Variants in SMAD3 observed in about 807,000 individuals in gnomAD.
SMAD3 encodes SMAD family member 3.
A neutral mutation model predicts 51.8 loss-of-function variants in SMAD3; 12 were observed. That is an observed-to-expected ratio of 0.23 (90% CI 0.15 to 0.38). SMAD3 has a LOEUF of 0.38. Ranked by LOEUF, SMAD3 falls within the 10% of genes least tolerant of loss-of-function variation. SMAD3 has a pLI of 1.00. For synonymous variants in SMAD3, 238 were observed against 227.7 expected, an observed-to-expected ratio of 1.05 and a Z score of -0.41; for missense variants, 294 against 565.6, an observed-to-expected ratio of 0.52 and a Z score of 4.87.
chr15:67,127,984 C>T (rs1043481486), intron 1 of SMAD3: 3 of 152,232 alleles, frequency 2.0e-5, no homozygotes, highest in African/African-American at 4.8e-5. Flanking sequence ...AGATATCCAC[C>T]AGTTCTCCCT....
intron 1 of SMAD3, among the ~76,000 whole-genome samples, chr15:67,085,011 C>T (rs1291709904): frequency 6.6e-6 from 1 of 152,192 alleles, no homozygotes; most frequent in African/African-American, 2.4e-5. Context: ...GAACCTCAGA[C>T]AGCCGGAAAG....
intron 6 of SMAD3, 28 bp downstream of exon 6, chr15:67,181,481 C>T (rs768587065): frequency 1.3e-6 from 2 of 1,505,172 alleles, no homozygotes; most frequent in Non-Finnish European, 9.0e-7. Context: ...TCCCCGCCCC[C>T]CCACCCTGCC....
At chr15:67,188,773 A>G (rs538437713) in intron 8 of SMAD3, among the ~76,000 whole-genome samples, 34 of 152,356 alleles carry the variant, frequency 2.2e-4, no homozygotes, top group Admixed American at 8.5e-4. Context: ...ACCCATTTCA[A>G]TATTGGCCTT....
rs1172181013 is a variant in SMAD3 at position 67,125,826 on chromosome 15, A to G, written c.207-39069A>G. On this transcript the variant is annotated intron_variant, in intron 1 of 8. Coordinates refer to ENST00000327367, the MANE Select transcript of SMAD3 (RefSeq NM_005902.4). Reference sequence around the variant, plus strand: ...CTGAAGCGCACTGACCATAAGAGCAACATGTGGGCAAGAGCCGCGGCACTG... The same window carrying G: ...CTGAAGCGCACTGACCATAAGAGCAGCATGTGGGCAAGAGCCGCGGCACTG... 3 of 985,338 alleles carry G rather than the reference A, an allele frequency of 3.0e-6. No homozygotes were observed. The East Asian group carries it at 3.4e-4, about 111-fold the overall frequency. 61.0% of individuals were successfully genotyped at this position (985,338 alleles called of 1,614,324 possible).
At chr15:67,167,724 C>A (rs955262431) in intron 4 of SMAD3, among the ~76,000 whole-genome samples, 6 of 152,210 alleles carry the variant, frequency 3.9e-5, no homozygotes, top group Non-Finnish European at 8.8e-5. Context: ...TTTCCCATAT[C>A]ATTTGTTATA....
At chr15:67,078,688 G>A (rs1025290111) in intron 1 of SMAD3, among the ~76,000 whole-genome samples, 2 of 152,124 alleles carry the variant, frequency 1.3e-5, no homozygotes, top group African/African-American at 4.8e-5. Flanking sequence ...TACTTCATGG[G>A]CTGTTTTTGA....
At chr15:67,136,515 G>C (rs1961666866) in intron 1 of SMAD3, among the ~76,000 whole-genome samples, 1 of 152,080 alleles carries the variant, frequency 6.6e-6, no homozygotes, top group Admixed American at 6.5e-5. Flanking sequence ...TTTTTTAGTA[G>C]AGACAGGGTT....
chr15:67,102,247 A>AGTGTGTGTGTGTGTGTGTGTGTGT (rs56983970), intron 1 of SMAD3, among the ~76,000 whole-genome samples: 3 of 149,098 alleles, frequency 2.0e-5, no homozygotes, highest in African/African-American at 7.5e-5. Context: ...ATGCTGTGAA[A>AGTGTGTGTGTGTGTGTGTGTGTGT]GTGTGTGTGT....
At chr15:67,117,089 C>A (rs1961151991) in intron 1 of SMAD3, among the ~76,000 whole-genome samples, 1 of 152,300 alleles carries the variant, frequency 6.6e-6, no homozygotes, top group Non-Finnish European at 1.5e-5. Flanking sequence ...CTAAATATGT[C>A]TCTGCCTCCC....
At chr15:67,068,578 A>T (rs998611309) in intron 1 of SMAD3, among the ~76,000 whole-genome samples, 6 of 152,146 alleles carry the variant, frequency 3.9e-5, no homozygotes, top group African/African-American at 1.4e-4. Flanking sequence ...CCTTCTCGTG[A>T]CTTTGTTAGG....
intron 1 of SMAD3, among the ~76,000 whole-genome samples, chr15:67,091,072 T>C (rs1394935893): frequency 6.6e-6 from 1 of 152,232 alleles, no homozygotes; most frequent in Non-Finnish European, 1.5e-5. Flanking sequence ...TGATTTTAAT[T>C]GTGCCCTCTG....
chr15:67,135,646 A>C (rs895085447), intron 1 of SMAD3, among the ~76,000 whole-genome samples: 1 of 152,088 alleles, frequency 6.6e-6, no homozygotes, highest in Admixed American at 6.6e-5. Flanking sequence ...GAATTTCCTC[A>C]GTGTTTACAT....
At chr15:67,185,138 C>T (rs1426559009) in intron 7 of SMAD3, among the ~76,000 whole-genome samples, 1 of 151,800 alleles carries the variant, frequency 6.6e-6, no homozygotes, top group Non-Finnish European at 1.5e-5. Flanking sequence ...GTATGGCTTC[C>T]TTTCTTCACT....
In SMAD3 at chr15:67,192,893, G is replaced by A; in HGVS notation, c.*2357G>A. The stretch of plus-strand genomic sequence containing the variant: ...TGAAGGCTACTTCTAGGAGCATGAA[G>A]TTTGAGTTTTGTGTTTTTCCAAAGG... On this transcript the variant is annotated 3_prime_UTR_variant, in exon 9 of 9. Transcript: ENST00000327367. The A allele has an allele frequency of 4.3e-6, 1 of 233,392 alleles. No individual in the cohort carries two copies. The highest frequency in any genetic ancestry group is 8.5e-6 in the Non-Finnish European group (1 of 118,006). The allele number at this position is 233,392 out of a possible 1,614,324, so 14.5% of individuals were successfully genotyped here.
At chr15:67,158,841 G>A (rs1962351375) in intron 1 of SMAD3, among the ~76,000 whole-genome samples, 1 of 152,186 alleles carries the variant, frequency 6.6e-6, no homozygotes, top group South Asian at 2.1e-4. Flanking sequence ...AAAGAGATGT[G>A]TTGTTGAGGA....
chr15:67,186,741 C>A (rs1330752476), intron 7 of SMAD3: 1 of 229,034 alleles, frequency 4.4e-6, no homozygotes, highest in Non-Finnish European at 8.8e-6. Flanking sequence ...AGCCCAGTGC[C>A]CAGAGGCCAA....
chr15:67,155,191 G>A (rs115932798), intron 1 of SMAD3, among the ~76,000 whole-genome samples: 6 of 152,240 alleles, frequency 3.9e-5, no homozygotes, highest in African/African-American at 7.2e-5. Context: ...AGCCAGTGTC[G>A]CCTCACCAGG....
intron 1 of SMAD3, among the ~76,000 whole-genome samples, chr15:67,067,218 C>A (rs776169715): frequency 2.0e-5 from 3 of 152,184 alleles, no homozygotes; most frequent in African/African-American, 7.2e-5. Context: ...GTAGAGCCTT[C>A]CTTCCCAAAG....
At chr15:67,156,791 G>A (rs1962294124) in intron 1 of SMAD3, among the ~76,000 whole-genome samples, 1 of 150,048 alleles carries the variant, frequency 6.7e-6, no homozygotes, top group South Asian at 2.2e-4. Context: ...CAGCCTATGG[G>A]GCAGTAGCTG....
Sources: allele counts gnomAD v4.1 joint callset (sites outside exome capture counted in the v4.1 genomes callset), GRCh38; gene constraint gnomAD v4.1.1; transcripts MANE v1.5; gene names NCBI Gene and HGNC (gene_info 2026-07-23, HGNC 2026-07-21).